The following DIAPH2 variants were observed in gnomAD, a reference collection of about 807,000 sequenced individuals.
DIAPH2 encodes the protein diaphanous related formin 2, also known as protein diaphanous homolog 2.
Under a neutral mutation model 92.7 loss-of-function variants are expected in DIAPH2, and 35 were observed. The observed-to-expected ratio is 0.38, with a 90% CI of 0.29 to 0.50. DIAPH2 has a LOEUF of 0.50. Ranked by LOEUF, DIAPH2 falls within the 20% of genes least tolerant of loss-of-function variation. DIAPH2 has a pLI of 0.94. For missense variants in DIAPH2, 701 were observed against 819.5 expected (o/e 0.86, Z 1.77); for synonymous variants, 301 against 280.4 (o/e 1.07, Z -0.73).
At chrX:97,053,613 C>T (rs2066536007) in intron 17 of DIAPH2, among the ~76,000 whole-genome samples, 1 of 111,018 alleles carries the variant, frequency 9.0e-6, no homozygotes, top group South Asian at 3.8e-4. Context: ...TTATAACTAC[C>T]TATTGAAGAA....
intron 5 of DIAPH2, among the ~76,000 whole-genome samples, chrX:96,888,605 CTA>C (rs1192086261): frequency 4.2e-5 from 3 of 71,507 alleles, no homozygotes; most frequent in East Asian, 8.9e-4. Context: ...ATATATATAT[CTA>C]TATATATCTA....
At chrX:97,573,392 C>T (rs924708151) in intron 26 of DIAPH2, among the ~76,000 whole-genome samples, 1 of 110,957 alleles carries the variant, frequency 9.0e-6, no homozygotes, top group Non-Finnish European at 1.9e-5. Context: ...TATGTTGGTG[C>T]CCTATCCCTA....
intron 26 of DIAPH2, among the ~76,000 whole-genome samples, chrX:97,566,451 C>G (rs1308756310): frequency 3.6e-5 from 4 of 111,560 alleles, no homozygotes; most frequent in Non-Finnish European, 7.5e-5. Flanking sequence ...TATCCAATTC[C>G]AGAACAATGC....
intron 4 of DIAPH2, among the ~76,000 whole-genome samples, chrX:96,868,089 A>C (rs2065117049): frequency 8.9e-6 from 1 of 112,260 alleles, no homozygotes; most frequent in Admixed American, 9.4e-5. Context: ...ACCGTGCCGT[A>C]GGATAACCCA....
At chrX:97,095,147 C>G in intron 19 of DIAPH2, among the ~76,000 whole-genome samples, 1 of 62,233 alleles carries the variant, frequency 1.6e-5, no homozygotes. Context: ...GATGGAGTCT[C>G]GCTCTTTCAC....
At chrX:96,881,778 G>A in intron 5 of DIAPH2, 60 bp downstream of exon 5, 1 of 1,102,803 alleles carries the variant, frequency 9.1e-7, no homozygotes, top group East Asian at 3.2e-5. Context: ...ATAATTGTTT[G>A]GGAATATAAT....
At chrX:96,771,873 C>CA (rs1274779401) in intron 4 of DIAPH2, among the ~76,000 whole-genome samples, 1 of 110,092 alleles carries the variant, frequency 9.1e-6, no homozygotes, top group Non-Finnish European at 1.9e-5. Context: ...CCTGTCTCTA[C>CA]AAAAAAATAA....
intron 4 of DIAPH2, among the ~76,000 whole-genome samples, chrX:96,775,050 T>C (rs1004760849): frequency 9.0e-6 from 1 of 111,722 alleles, no homozygotes; most frequent in Non-Finnish European, 1.9e-5. Context: ...AAATCTTTTT[T>C]TTTCTTTCAA....
chrX:96,858,622 T>C (rs2065054377), intron 4 of DIAPH2, among the ~76,000 whole-genome samples: 1 of 111,931 alleles, frequency 8.9e-6, no homozygotes, highest in African/African-American at 3.3e-5. Flanking sequence ...AGTTAGCTAG[T>C]GTTCAAGTCA....
At chrX:96,864,377 T>A (rs1246512582) in intron 4 of DIAPH2, among the ~76,000 whole-genome samples, 6 of 108,962 alleles carry the variant, frequency 5.5e-5, no homozygotes, top group Non-Finnish European at 1.1e-4. Context: ...TAAAAGAATA[T>A]CCATCTTACC....
At chrX:97,441,613 C>T (rs1342942674) in intron 26 of DIAPH2, among the ~76,000 whole-genome samples, 1 of 111,150 alleles carries the variant, frequency 9.0e-6, no homozygotes, top group Non-Finnish European at 1.9e-5. Flanking sequence ...GTCAGGAGAT[C>T]GAGACCATCC....
At position 97,384,088 on chromosome X, in the gene DIAPH2, A is replaced by G. The variant is rs749621493; in HGVS notation, c.3145+44A>G. On this transcript the variant is annotated intron_variant, in intron 25 of 26. Coordinates refer to ENST00000324765, the MANE Select transcript of DIAPH2 (RefSeq NM_006729.5). The stretch of plus-strand genomic sequence containing the variant: ...TTTTTACAAAAATGCAAGAAGTACA[A>G]AATAATTGCAGTTATTTATTTTTGG... 5 of 1,007,731 alleles carry G rather than the reference A, an allele frequency of 5.0e-6. No individual in the cohort carries two copies. The African/African-American group carries it at 7.7e-5, about 16-fold the overall frequency. The allele number at this position is 1,007,731 out of a possible 1,213,427, so 83.0% of individuals were successfully genotyped here.
At chrX:96,921,047 G>A (rs1012339020) in intron 9 of DIAPH2, among the ~76,000 whole-genome samples, 1 of 111,745 alleles carries the variant, frequency 8.9e-6, no homozygotes, top group African/African-American at 3.2e-5. Flanking sequence ...AATATAATTA[G>A]TGTTGTATTT....
At chrX:96,888,528 T>TATATATATACATACAG (rs2065280773) in intron 5 of DIAPH2, among the ~76,000 whole-genome samples, 1 of 103,206 alleles carries the variant, frequency 9.7e-6, no homozygotes, top group African/African-American at 3.5e-5. Flanking sequence ...TACATATATC[T>TATATATATACATACAG]ATATATATAC....
At chrX:96,868,574 C>T (rs2065150206) in intron 4 of DIAPH2, among the ~76,000 whole-genome samples, 1 of 111,541 alleles carries the variant, frequency 9.0e-6, no homozygotes, top group Non-Finnish European at 1.9e-5. Context: ...AGACCTTCTT[C>T]CCCCGCATAG....
chrX:96,991,993 C>A (rs965884137), intron 17 of DIAPH2, among the ~76,000 whole-genome samples: 1 of 110,157 alleles, frequency 9.1e-6, no homozygotes, highest in Non-Finnish European at 1.9e-5. Context: ...AATATCTTTT[C>A]AAAGGGTTTC....
intron 4 of DIAPH2, among the ~76,000 whole-genome samples, chrX:96,867,894 G>A (rs1602579323): frequency 1.8e-5 from 2 of 111,448 alleles, no homozygotes; most frequent in East Asian, 2.8e-4. Flanking sequence ...GTTTAACTAC[G>A]TGGCAACATA....
At chrX:97,216,528 G>A (rs1036503573) in intron 22 of DIAPH2, among the ~76,000 whole-genome samples, 2 of 108,391 alleles carry the variant, frequency 1.8e-5, no homozygotes, top group African/African-American at 3.4e-5. Flanking sequence ...CTGGTCTCGA[G>A]TTCCTGGGCT....
At chrX:97,195,026 A>G (rs1416715871) in intron 22 of DIAPH2, among the ~76,000 whole-genome samples, 1 of 112,046 alleles carries the variant, frequency 8.9e-6, no homozygotes, top group African/African-American at 3.2e-5. Flanking sequence ...TCAATAAAGG[A>G]CAACAAAACC....
Sources: gnomAD v4.1 joint callset for allele counts (sites outside exome capture counted in the v4.1 genomes callset) on GRCh38, gnomAD v4.1.1 for gene constraint, MANE v1.5 for transcripts, NCBI Gene and HGNC (gene_info 2026-07-23, HGNC 2026-07-21) for gene names.